Variants in FDFT1 observed in about 807,000 individuals in gnomAD.
The protein encoded by FDFT1 is squalene synthase.
Under a neutral mutation model 46.8 loss-of-function variants are expected in FDFT1, and 68 were observed. The ratio of observed to expected loss-of-function variants is 1.45; its 90% CI spans 1.19 to 1.78. The LOEUF (loss-of-function observed/expected upper bound fraction) is 1.78. Ranked by LOEUF, FDFT1 falls within the 40% of genes most tolerant of loss-of-function variation. FDFT1 has a pLI of 0.00. For synonymous variants in FDFT1, 351 were observed against 185.1 expected, an observed-to-expected ratio of 1.90 and a Z score of -7.28; for missense variants, 928 against 524.4, an observed-to-expected ratio of 1.77 and a Z score of -7.52.
Position 11,822,868 on chromosome 8 carries a change from T to G in FDFT1, c.510+990T>G, listed in dbSNP as rs539051421. On this transcript the variant is annotated intron_variant, in intron 4 of 7. Coordinates refer to ENST00000220584, the MANE Select transcript of FDFT1 (RefSeq NM_004462.5). ...TCTGGCCAAGAACCAGCACTGGTTA[T>G]GATAGTAACTCATTTTCTGTTGTGC... is the stretch of plus-strand genomic sequence containing the variant. Among the ~76,000 whole-genome samples the G allele has an allele frequency of 1.2e-4, 18 of 152,354 alleles. No homozygotes were observed. The South Asian group carries it at 2.1e-3, about 18-fold the overall frequency.
chr8:11,827,941 C>T (rs972909443), intron 5 of FDFT1, among the ~76,000 whole-genome samples: 1 of 151,968 alleles, frequency 6.6e-6, no homozygotes, highest in Non-Finnish European at 1.5e-5. Context: ...GTGACTCCTG[C>T]CTATAATCCC....
At chr8:11,802,070 C>T (rs548906080), upstream of FDFT1, 155 of 455,622 alleles carry the variant, frequency 3.4e-4, 1 homozygote, top group South Asian at 2.4e-3. Flanking sequence ...TCTAAGGCTT[C>T]AGCTCCTTTT....
chr8:11,816,295 G>T (rs1297432392), intron 3 of FDFT1, among the ~76,000 whole-genome samples: 1 of 152,180 alleles, frequency 6.6e-6, no homozygotes, highest in Non-Finnish European at 1.5e-5. Context: ...TTGAAGTCAG[G>T]TAGCGTGATG....
chr8:11,822,807 C>T (rs953939060), intron 4 of FDFT1, among the ~76,000 whole-genome samples: 4 of 152,152 alleles, frequency 2.6e-5, no homozygotes, highest in Admixed American at 6.5e-5. Context: ...CAGAGCAAGA[C>T]ACCATCTGAA....
intron 3 of FDFT1, among the ~76,000 whole-genome samples, chr8:11,819,455 T>G (rs7009163): frequency 0.2 from 30,229 of 151,796 alleles, 3,721 homozygotes; most frequent in African/African-American, 0.35. Flanking sequence ...TGTAACTTGG[T>G]TCCATTCTGT....
At chr8:11,823,472 C>CTT (rs1202085849) in intron 4 of FDFT1, among the ~76,000 whole-genome samples, 3 of 152,158 alleles carry the variant, frequency 2.0e-5, no homozygotes, top group Non-Finnish European at 4.4e-5. Context: ...AGATTTCACT[C>CTT]TTTTCATGTT....
intron 1 of FDFT1, among the ~76,000 whole-genome samples, chr8:11,796,435 A>G (rs1370107462): frequency 6.6e-6 from 1 of 152,254 alleles, no homozygotes; most frequent in Non-Finnish European, 1.5e-5. Context: ...TGAACATGGT[A>G]GAAGTACTGA....
At chr8:11,816,553 G>GT (rs1272248640) in intron 3 of FDFT1, among the ~76,000 whole-genome samples, 1 of 152,134 alleles carries the variant, frequency 6.6e-6, no homozygotes, top group Admixed American at 6.6e-5. Flanking sequence ...TTGAGCAGTG[G>GT]TTTGTAGTTC....
At chr8:11,827,057 T>G (rs1212190154) in intron 5 of FDFT1, among the ~76,000 whole-genome samples, 2 of 152,190 alleles carry the variant, frequency 1.3e-5, no homozygotes, top group African/African-American at 4.8e-5. Context: ...ACAGAAAGCT[T>G]TTGATACTGA....
In FDFT1 at chr8:11,803,702, G is replaced by A. The variant is rs1563292532; in HGVS notation, c.99+771G>A. The A allele has an allele frequency of 3.0e-5, 8 of 271,044 alleles. No homozygotes were observed. The East Asian group carries it at 6.7e-4, about 23-fold the overall frequency. 16.8% of individuals were successfully genotyped at this position (271,044 alleles called of 1,614,324 possible). The stretch of plus-strand genomic sequence containing the variant: ...CCTGGCTGATTTCTGTAACTTTTTT[G>A]GGCCAACAGGACAGTAGCAAATGTG... On this transcript the variant is annotated intron_variant, in intron 1 of 7. Coordinates refer to ENST00000220584, the MANE Select transcript of FDFT1 (RefSeq NM_004462.5).
At chr8:11,833,871 G>A (rs1012498105) in intron 7 of FDFT1, among the ~76,000 whole-genome samples, 6 of 152,234 alleles carry the variant, frequency 3.9e-5, no homozygotes, top group Non-Finnish European at 8.8e-5. Flanking sequence ...GGGGAGAAAT[G>A]TTAATATTAA....
At chr8:11,829,849 G>GTT (rs1360103943) in intron 5 of FDFT1, among the ~76,000 whole-genome samples, 1 of 149,058 alleles carries the variant, frequency 6.7e-6, no homozygotes, top group South Asian at 2.1e-4. Flanking sequence ...TTTTTGTTTT[G>GTT]TTTTGTTTTT....
intron 3 of FDFT1, among the ~76,000 whole-genome samples, chr8:11,819,567 T>A (rs1390419152): frequency 6.6e-6 from 1 of 152,110 alleles, no homozygotes; most frequent in African/African-American, 2.4e-5. Context: ...TTCTCTAATC[T>A]TGTCTTCTTG....
chr8:11,814,144 A>T (rs968028832), intron 3 of FDFT1, among the ~76,000 whole-genome samples: 5 of 152,210 alleles, frequency 3.3e-5, no homozygotes, highest in Non-Finnish European at 5.9e-5. Flanking sequence ...GAATGAGCAG[A>T]GTCCAACGGA....
chr8:11,802,654 C>G, upstream of FDFT1: 2 of 608,250 alleles, frequency 3.3e-6, no homozygotes, highest in Admixed American at 2.8e-5. Context: ...CAGCTAGCCC[C>G]GCTGGCGGCC....
intron 3 of FDFT1, among the ~76,000 whole-genome samples, chr8:11,813,273 T>G (rs1209542794): frequency 6.6e-6 from 1 of 152,208 alleles, no homozygotes; most frequent in Non-Finnish European, 1.5e-5. Flanking sequence ...GGCTTAGAAG[T>G]CTACCTGTAA....
At chr8:11,812,126 A>G (rs368895761) in intron 3 of FDFT1, among the ~76,000 whole-genome samples, 1 of 152,178 alleles carries the variant, frequency 6.6e-6, no homozygotes, top group Non-Finnish European at 1.5e-5. Flanking sequence ...AGAGTGCCCC[A>G]TTCTAGGCCC....
chr8:11,831,702 G>C (rs374968709), intron 7 of FDFT1, 32 bp downstream of exon 7: 2 of 1,569,782 alleles, frequency 1.3e-6, no homozygotes, highest in Admixed American at 1.7e-5. Flanking sequence ...TGGATAATTT[G>C]TAGCTACTTT....
At chr8:11,823,393 TTTC>T (rs2130822912) in intron 4 of FDFT1, among the ~76,000 whole-genome samples, 1 of 152,340 alleles carries the variant, frequency 6.6e-6, no homozygotes, top group East Asian at 1.9e-4. Flanking sequence ...TTTTTTTAAA[TTTC>T]TAGTAATTCT....
Sources: gnomAD v4.1 joint callset for allele counts (sites outside exome capture counted in the v4.1 genomes callset) on GRCh38, gnomAD v4.1.1 for gene constraint, MANE v1.5 for transcripts, NCBI Gene and HGNC (gene_info 2026-07-23, HGNC 2026-07-21) for gene names.